Variants in GPC6 observed in about 807,000 individuals in gnomAD.
GPC6 encodes the protein glypican-6.
GPC6 carries 14 observed loss-of-function variants against 55.2 expected under a neutral mutation model. The observed-to-expected ratio is 0.25, with a 90% confidence interval of 0.17 to 0.40. The LOEUF (loss-of-function observed/expected upper bound fraction) is 0.40. GPC6 is among the 10% of genes least tolerant of loss of function. The pLI is 1.00. For synonymous variants in GPC6, 278 were observed against 259.6 expected (o/e 1.07, Z -0.68); for missense variants, 641 against 708.5 (o/e 0.90, Z 1.08).
At chr13:94,290,484 A>G (rs1170930024) in intron 5 of GPC6, among the ~76,000 whole-genome samples, 3 of 151,942 alleles carry the variant, frequency 2.0e-5, no homozygotes, top group Non-Finnish European at 4.4e-5. Context: ...CAGTGCAAAG[A>G]ATCTGCTAAC....
intron 3 of GPC6, among the ~76,000 whole-genome samples, chr13:93,908,898 C>T (rs1395489323): frequency 6.6e-6 from 1 of 152,062 alleles, no homozygotes; most frequent in Non-Finnish European, 1.5e-5. Flanking sequence ...TTAAATGTCA[C>T]CTGGCTAGAG....
intron 4 of GPC6, among the ~76,000 whole-genome samples, chr13:94,115,451 G>A (rs2138845859): frequency 6.6e-6 from 1 of 152,182 alleles, no homozygotes; most frequent in Admixed American, 6.6e-5. Flanking sequence ...TTCAAACAAA[G>A]GGACTGCTTT....
chr13:93,795,454 C>T (rs1203638887), intron 2 of GPC6, among the ~76,000 whole-genome samples: 2 of 152,124 alleles, frequency 1.3e-5, no homozygotes, highest in African/African-American at 4.8e-5. Context: ...TCCTAGCCCT[C>T]ACTCAACACC....
chr13:94,048,701 G>A (rs9589889), intron 4 of GPC6, among the ~76,000 whole-genome samples: 21 of 151,698 alleles, frequency 1.4e-4, no homozygotes, highest in Non-Finnish European at 2.5e-4. Context: ...TGGTCTGGTC[G>A]CAGGAGGCAA....
chr13:93,438,152 C>G (rs1291643010), intron 1 of GPC6, among the ~76,000 whole-genome samples: 1 of 152,146 alleles, frequency 6.6e-6, no homozygotes, highest in South Asian at 2.1e-4. Flanking sequence ...AGTATTACTG[C>G]TCATTGACAA....
chr13:93,536,595 T>C (rs544525974), intron 1 of GPC6, among the ~76,000 whole-genome samples: 8 of 152,198 alleles, frequency 5.3e-5, no homozygotes, highest in African/African-American at 1.9e-4. Context: ...CCATTGTATG[T>C]GTATACTAGA....
At chr13:93,740,197 C>A (rs1048401554) in intron 2 of GPC6, among the ~76,000 whole-genome samples, 5 of 113,914 alleles carry the variant, frequency 4.4e-5, no homozygotes, top group African/African-American at 2.5e-4. Context: ...TGTTCTATGT[C>A]GTAAGGTCTA....
chr13:94,355,466 T>C (rs529516955), intron 6 of GPC6, among the ~76,000 whole-genome samples: 7 of 152,156 alleles, frequency 4.6e-5, no homozygotes, highest in Admixed American at 2.0e-4. Flanking sequence ...GAGAAAATAA[T>C]CCCCATACAC....
intron 2 of GPC6, among the ~76,000 whole-genome samples, chr13:93,760,418 G>T (rs1313007714): frequency 6.6e-6 from 1 of 152,148 alleles, no homozygotes; most frequent in Non-Finnish European, 1.5e-5. Context: ...GAGAGGATTT[G>T]ATTTTGCCGG....
chr13:93,891,183 C>T (rs927239114), intron 3 of GPC6, among the ~76,000 whole-genome samples: 8 of 152,086 alleles, frequency 5.3e-5, no homozygotes, highest in Admixed American at 2.0e-4. Flanking sequence ...ACAGTGTATA[C>T]TGCTATGTTT....
rs146740468 is a variant in GPC6 at position 93,684,578 on chromosome 13, G to A, written c.319+139157G>A. Among the ~76,000 whole-genome samples, 546 of 152,188 alleles carry A rather than the reference G, an allele frequency of 3.6e-3. 3 individuals are homozygous for A. Among genetic ancestry groups the A allele is most frequent in the African/African-American group, 0.012 (518 of 41,528 alleles). ...CTGCTGACTCAAATGTCATGTTGAG[G>A]GTAGCAGAGCAGAAAAGCAAAGGAC... On this transcript the variant is annotated intron_variant, in intron 2 of 8. Transcript: ENST00000377047.
intron 1 of GPC6, among the ~76,000 whole-genome samples, chr13:93,335,425 G>A (rs1168416891): frequency 1.3e-5 from 2 of 152,122 alleles, no homozygotes; most frequent in Non-Finnish European, 2.9e-5. Flanking sequence ...ACCATCCTTA[G>A]TTTGAAGAGG....
At chr13:93,828,525 A>C (rs1057100373) in intron 2 of GPC6, among the ~76,000 whole-genome samples, 8 of 152,068 alleles carry the variant, frequency 5.3e-5, no homozygotes, top group African/African-American at 1.9e-4. Context: ...AATTTTGCAA[A>C]TTTCGCCCTA....
chr13:94,355,917 C>A (rs1878770756), intron 6 of GPC6, among the ~76,000 whole-genome samples: 1 of 152,160 alleles, frequency 6.6e-6, no homozygotes, highest in Non-Finnish European at 1.5e-5. Context: ...AGCTATTTAT[C>A]CTGATGCTCT....
chr13:93,467,834 T>G (rs537780089), intron 1 of GPC6, among the ~76,000 whole-genome samples: 2 of 152,050 alleles, frequency 1.3e-5, no homozygotes, highest in East Asian at 1.9e-4. Context: ...GAAGTGATTT[T>G]CCCGCCAAGG....
intron 2 of GPC6, among the ~76,000 whole-genome samples, chr13:93,641,935 A>G (rs1269045008): frequency 6.6e-6 from 1 of 152,062 alleles, no homozygotes; most frequent in Admixed American, 6.6e-5. Context: ...GTTATACTTT[A>G]TATGTTGGAT....
intron 2 of GPC6, among the ~76,000 whole-genome samples, chr13:93,693,824 T>G (rs1211874034): frequency 6.6e-6 from 1 of 152,142 alleles, no homozygotes; most frequent in African/African-American, 2.4e-5. Context: ...TTCTTTATAG[T>G]TTAAGAAGCA....
At chr13:94,100,922 A>C (rs190687109) in intron 4 of GPC6, among the ~76,000 whole-genome samples, 1 of 152,336 alleles carries the variant, frequency 6.6e-6, no homozygotes, top group Admixed American at 6.5e-5. Flanking sequence ...GTAAACGAAG[A>C]TATACTGGGG....
chr13:93,611,623 T>C (rs191581709), intron 2 of GPC6, among the ~76,000 whole-genome samples: 1 of 152,188 alleles, frequency 6.6e-6, no homozygotes. Flanking sequence ...GATATTAAAA[T>C]GAAAGCCACA....
Sources: allele counts gnomAD v4.1 joint callset (sites outside exome capture counted in the v4.1 genomes callset), GRCh38; gene constraint gnomAD v4.1.1; transcripts MANE v1.5; gene names NCBI Gene and HGNC (gene_info 2026-07-23, HGNC 2026-07-21).